The following GRIK4 variants were observed in gnomAD, a reference collection of about 807,000 sequenced individuals.
The protein encoded by GRIK4 is glutamate receptor ionotropic, kainate 4.
In GRIK4, 40 loss-of-function variants were observed where a neutral mutation model predicts 104.9. That is an observed-to-expected ratio of 0.38 (90% CI 0.30 to 0.50). The LOEUF (loss-of-function observed/expected upper bound fraction) is 0.50. Among genes scored for constraint, GRIK4 ranks in the 20% least tolerant of loss-of-function variants. GRIK4 has a pLI of 0.93. For missense variants in GRIK4, 1,047 were observed against 1,308.1 expected (o/e 0.80, Z 3.08); for synonymous variants, 485 against 524.9 (o/e 0.92, Z 1.04).
chr11:120,605,396 A>G (rs1397428408), intron 1 of GRIK4, among the ~76,000 whole-genome samples: 1 of 152,196 alleles, frequency 6.6e-6, no homozygotes, highest in African/African-American at 2.4e-5. Context: ...AGGGGACAAA[A>G]TCTCTCTGAG....
intron 1 of GRIK4, among the ~76,000 whole-genome samples, chr11:120,547,403 G>A (rs1045284204): frequency 6.6e-6 from 1 of 152,234 alleles, no homozygotes; most frequent in African/African-American, 2.4e-5. Context: ...AGAGGGATGA[G>A]TGAATAGCGT....
At chr11:120,778,709 G>A (rs1952090262) in intron 3 of GRIK4, among the ~76,000 whole-genome samples, 1 of 152,242 alleles carries the variant, frequency 6.6e-6, no homozygotes, top group Non-Finnish European at 1.5e-5. Context: ...GGAATTGGGA[G>A]CTGAGGTCAC....
chr11:120,685,924 C>A (rs1385721728), intron 3 of GRIK4, among the ~76,000 whole-genome samples: 1 of 152,170 alleles, frequency 6.6e-6, no homozygotes, highest in Non-Finnish European at 1.5e-5. Context: ...ACTTCCAAAT[C>A]ATCTGCAGCG....
intron 3 of GRIK4, among the ~76,000 whole-genome samples, chr11:120,732,557 G>T (rs951864557): frequency 6.6e-6 from 1 of 152,256 alleles, no homozygotes; most frequent in African/African-American, 2.4e-5. Flanking sequence ...ATAGCTTTTA[G>T]TATGTTGTGT....
At chr11:120,906,997 C>CA (rs1199919679) in intron 13 of GRIK4, among the ~76,000 whole-genome samples, 2 of 152,156 alleles carry the variant, frequency 1.3e-5, no homozygotes, top group Non-Finnish European at 2.9e-5. Flanking sequence ...GTGGGGATGG[C>CA]AGGGCGAAGG....
intron 1 of GRIK4, among the ~76,000 whole-genome samples, chr11:120,547,262 A>C (rs1222578898): frequency 6.6e-6 from 1 of 151,894 alleles, no homozygotes; most frequent in African/African-American, 2.4e-5. Flanking sequence ...GCACTCCTCT[A>C]TCGTGGCTCT....
chr11:120,528,569 A>G (rs995135603), intron 1 of GRIK4, among the ~76,000 whole-genome samples: 4 of 152,190 alleles, frequency 2.6e-5, no homozygotes, highest in Admixed American at 2.6e-4. Flanking sequence ...TGCTGCTGAT[A>G]AAGACATATC....
intron 13 of GRIK4, among the ~76,000 whole-genome samples, chr11:120,918,042 C>A (rs1357375186): frequency 6.6e-6 from 1 of 152,186 alleles, no homozygotes; most frequent in Non-Finnish European, 1.5e-5. Context: ...TCTAAGAATT[C>A]TCTAGTCTCG....
intron 12 of GRIK4, among the ~76,000 whole-genome samples, chr11:120,901,711 T>A (rs895924031): frequency 2.6e-5 from 4 of 152,150 alleles, no homozygotes; most frequent in Non-Finnish European, 5.9e-5. Context: ...GATGGGGAAG[T>A]GGCTGGGCTG....
At chr11:120,632,399 A>T (rs1949343155) in intron 1 of GRIK4, among the ~76,000 whole-genome samples, 1 of 152,088 alleles carries the variant, frequency 6.6e-6, no homozygotes, top group South Asian at 2.1e-4. Flanking sequence ...ATGAGTAAAG[A>T]ACGTAGCTCA....
chr11:120,740,172 A>T (rs1485793035), intron 3 of GRIK4, among the ~76,000 whole-genome samples: 1 of 152,136 alleles, frequency 6.6e-6, no homozygotes, highest in African/African-American at 2.4e-5. Context: ...CCTACTCTCC[A>T]CTTCAAGAAT....
chr11:120,859,182 G>C (rs1954195623), intron 8 of GRIK4: 1 of 151,972 alleles, frequency 6.6e-6, no homozygotes, highest in Admixed American at 6.6e-5. Flanking sequence ...TGGAACTGAA[G>C]AGGCAGAAAG....
chr11:120,672,949 C>T (rs1437402993), intron 3 of GRIK4, among the ~76,000 whole-genome samples: 1 of 152,190 alleles, frequency 6.6e-6, no homozygotes, highest in Non-Finnish European at 1.5e-5. Context: ...CTGGCCAGAA[C>T]TTCCAATACT....
At chr11:120,731,863 T>A (rs1951137624) in intron 3 of GRIK4, among the ~76,000 whole-genome samples, 1 of 152,220 alleles carries the variant, frequency 6.6e-6, no homozygotes, top group African/African-American at 2.4e-5. Context: ...TAGTAGCCAC[T>A]AATGATCCTT....
intron 20 of GRIK4, among the ~76,000 whole-genome samples, chr11:120,982,661 A>C (rs959691163): frequency 6.6e-6 from 1 of 152,222 alleles, no homozygotes; most frequent in Non-Finnish European, 1.5e-5. Flanking sequence ...ACAGTTTGAA[A>C]AGAAGGAAGA....
chr11:120,870,729 G>GT lies in GRIK4; in HGVS notation c.907-3323dup, dbSNP rs66533545. The GT allele has an allele frequency of 7.0e-3, 1,001 of 142,478 alleles. 3 individuals are homozygous for GT. Among genetic ancestry groups the GT allele is most frequent in the Non-Finnish European group, 0.011 (682 of 64,590 alleles). 8.8% of individuals were successfully genotyped at this position (142,478 alleles called of 1,614,324 possible). ...ATTCGTGAAAGAAGACAGATGAGTGGTTTTTTTTTTTTTTGGTTTTGTTTG... is the reference window on the plus strand; with the variant it reads ...ATTCGTGAAAGAAGACAGATGAGTGGTTTTTTTTTTTTTTTGGTTTTGTTTG... On this transcript the variant is annotated intron_variant, in intron 9 of 20. Transcript: ENST00000527524.
intron 3 of GRIK4, among the ~76,000 whole-genome samples, chr11:120,755,394 C>G (rs1266759055): frequency 6.6e-6 from 1 of 151,960 alleles, no homozygotes; most frequent in African/African-American, 2.4e-5. Context: ...TTGCTAGAGC[C>G]CAGGAGTTCA....
intron 6 of GRIK4, among the ~76,000 whole-genome samples, chr11:120,830,633 G>A (rs1953400949): frequency 6.6e-6 from 1 of 152,116 alleles, no homozygotes; most frequent in Admixed American, 6.5e-5. Context: ...GAGGCCAGTT[G>A]CTCGTCCTTC....
At chr11:120,544,726 T>G (rs373463031) in intron 1 of GRIK4, among the ~76,000 whole-genome samples, 1 of 152,080 alleles carries the variant, frequency 6.6e-6, no homozygotes. Context: ...CACGGGGACA[T>G]GGAAAGGAGG....
Sources: allele counts gnomAD v4.1 joint callset (sites outside exome capture counted in the v4.1 genomes callset), GRCh38; gene constraint gnomAD v4.1.1; transcripts MANE v1.5; gene names NCBI Gene and HGNC (gene_info 2026-07-23, HGNC 2026-07-21).